SCML4: variants seen among roughly 807,000 people sequenced by gnomAD.
SCML4 encodes sex comb on midleg-like protein 4.
A neutral mutation model predicts 41.1 loss-of-function variants in SCML4; 34 were observed. The ratio of observed to expected loss-of-function variants is 0.83; its 90% confidence interval spans 0.63 to 1.10. The LOEUF is 1.10. Ranked by LOEUF, SCML4 falls within the 50% of genes least tolerant of loss-of-function variation. The pLI, the probability that SCML4 is intolerant of heterozygous loss-of-function variation, is 0.00. For missense variants in SCML4, 522 were observed against 534.1 expected, an observed-to-expected ratio of 0.98 and a Z score of 0.22; for synonymous variants, 214 against 220.9, an observed-to-expected ratio of 0.97 and a Z score of 0.28.
intron 5 of SCML4, among the ~76,000 whole-genome samples, chr6:107,726,076 C>CAAAA (rs59523273): frequency 9.5e-6 from 1 of 105,026 alleles, no homozygotes; most frequent in African/African-American, 3.6e-5. Flanking sequence ...GACCCAGTCT[C>CAAAA]AAAAAAAAAA....
chr6:107,832,359 T>G, the SCML4 span, among the ~76,000 whole-genome samples: 1 of 152,228 alleles, frequency 6.6e-6, no homozygotes, highest in African/African-American at 2.4e-5. Flanking sequence ...ATCTTACGCC[T>G]GGCTTCCCTC....
the SCML4 span, among the ~76,000 whole-genome samples, chr6:107,834,473 T>C: frequency 1.3e-5 from 2 of 152,158 alleles, no homozygotes; most frequent in African/African-American, 4.8e-5. Flanking sequence ...CGGAAAACTC[T>C]GGGAAACTGA....
chr6:107,806,065 C>T (rs1023520146), intron 1 of SCML4, among the ~76,000 whole-genome samples: 3 of 152,172 alleles, frequency 2.0e-5, no homozygotes, highest in Non-Finnish European at 4.4e-5. Context: ...TACCACGGGG[C>T]CAGGTGATGC....
At chr6:107,787,938 A>G (rs1782024949) in intron 1 of SCML4, among the ~76,000 whole-genome samples, 2 of 152,260 alleles carry the variant, frequency 1.3e-5, no homozygotes, top group South Asian at 2.1e-4. Flanking sequence ...TGTTACTGCT[A>G]TGTAATGACA....
At chr6:107,842,266 T>C in the SCML4 span, among the ~76,000 whole-genome samples, 1 of 152,244 alleles carries the variant, frequency 6.6e-6, no homozygotes, top group East Asian at 1.9e-4. Context: ...AATTCCATTA[T>C]GCGCCAAGCA....
At chr6:107,716,218 G>A (rs1774774368) in intron 6 of SCML4, among the ~76,000 whole-genome samples, 1 of 152,190 alleles carries the variant, frequency 6.6e-6, no homozygotes, top group Non-Finnish European at 1.5e-5. Flanking sequence ...TGCTTAAAGA[G>A]AGGGAGGGCA....
chr6:107,759,683 C>T (rs543588719), intron 2 of SCML4, among the ~76,000 whole-genome samples: 12 of 152,258 alleles, frequency 7.9e-5, no homozygotes, highest in African/African-American at 2.9e-4. Context: ...ACTAACTAGA[C>T]TTATTATTGG....
chr6:107,828,954 A>G (rs929840090), upstream of SCML4, among the ~76,000 whole-genome samples: 1 of 152,200 alleles, frequency 6.6e-6, no homozygotes, highest in African/African-American at 2.4e-5. Flanking sequence ...AGAATACACA[A>G]AGCACCCCAA....
intron 2 of SCML4, among the ~76,000 whole-genome samples, chr6:107,756,769 T>A (rs1274025593): frequency 3.9e-5 from 6 of 152,136 alleles, no homozygotes; most frequent in African/African-American, 1.4e-4. Context: ...TATTCTAAAA[T>A]AGTGTTTGTT....
At chr6:107,826,677 T>C (rs908884701), upstream of SCML4, among the ~76,000 whole-genome samples, 6 of 152,220 alleles carry the variant, frequency 3.9e-5, no homozygotes, top group Non-Finnish European at 7.3e-5. Flanking sequence ...GATGGGCTAC[T>C]GTTGTCCTTG....
In SCML4 at chr6:107,720,836, C is replaced by G; in HGVS notation, c.840G>C (p.Gly280=). The G allele has an allele frequency of 6.2e-7, 1 of 1,614,100 alleles. No homozygotes were observed. Among genetic ancestry groups the G allele is most frequent in the Non-Finnish European group, 8.5e-7 (1 of 1,179,970 alleles). ...KRQNSGDSHL[G]GGPAATAGGP... The stretch of plus-strand genomic sequence containing the variant: ...CACCAGCGGTGGCAGCAGGACCACC[C>G]CCAAGGTGGCTGTCTCCAGAGTTCT... The change falls in exon 6 of 8, where the codon GGG becomes GGC. Residue 280 remains glycine (G), a synonymous_variant. Transcript: ENST00000369020.
At chr6:107,752,494 C>A (rs905514996) in intron 2 of SCML4, among the ~76,000 whole-genome samples, 2 of 151,828 alleles carry the variant, frequency 1.3e-5, no homozygotes, top group African/African-American at 4.8e-5. Flanking sequence ...CTGAGCCCTG[C>A]AAGATTCCAA....
At chr6:107,789,024 G>A (rs1293278751) in intron 1 of SCML4, among the ~76,000 whole-genome samples, 1 of 152,200 alleles carries the variant, frequency 6.6e-6, no homozygotes, top group African/African-American at 2.4e-5. Context: ...GATAGGCACA[G>A]TCCCAGCGTT....
At chr6:107,802,916 G>T (rs1328483449) in intron 1 of SCML4, among the ~76,000 whole-genome samples, 1 of 151,924 alleles carries the variant, frequency 6.6e-6, no homozygotes, top group Non-Finnish European at 1.5e-5. Flanking sequence ...ACTGGTTTTC[G>T]TATTTTTTTG....
At chr6:107,797,720 A>G (rs1782813970) in intron 1 of SCML4, among the ~76,000 whole-genome samples, 2 of 151,900 alleles carry the variant, frequency 1.3e-5, no homozygotes, top group Admixed American at 1.3e-4. Flanking sequence ...TTTTAGCTTA[A>G]ATTTTAAAAA....
chr6:107,777,889 C>T (rs561040906), intron 1 of SCML4, among the ~76,000 whole-genome samples: 4 of 151,978 alleles, frequency 2.6e-5, no homozygotes, highest in Non-Finnish European at 5.9e-5. Context: ...CAAAGATATT[C>T]TACCCATAGA....
intron 1 of SCML4, among the ~76,000 whole-genome samples, chr6:107,804,584 C>T (rs947789687): frequency 6.6e-6 from 1 of 152,174 alleles, no homozygotes; most frequent in South Asian, 2.1e-4. Flanking sequence ...CAGACACACA[C>T]ACCTATTTAA....
At chr6:107,728,903 G>A (rs1562190200) in intron 5 of SCML4, among the ~76,000 whole-genome samples, 1 of 152,154 alleles carries the variant, frequency 6.6e-6, no homozygotes, top group Non-Finnish European at 1.5e-5. Flanking sequence ...CACTGTGGTG[G>A]CTTCCAGAAT....
At chr6:107,814,883 T>C (rs1221313747) in intron 1 of SCML4, among the ~76,000 whole-genome samples, 1 of 152,134 alleles carries the variant, frequency 6.6e-6, no homozygotes, top group Non-Finnish European at 1.5e-5. Context: ...ATACCATATA[T>C]GTGATAAAAA....
Sources: allele counts gnomAD v4.1 joint callset (sites outside exome capture counted in the v4.1 genomes callset), GRCh38; gene constraint gnomAD v4.1.1; transcripts MANE v1.5; gene names NCBI Gene and HGNC (gene_info 2026-07-23, HGNC 2026-07-21).